VWCE: variants seen among roughly 807,000 people sequenced by gnomAD.
The protein encoded by VWCE is von Willebrand factor C and EGF domains, also known as von Willebrand factor C and EGF domain-containing protein.
In VWCE, 68 loss-of-function variants were observed where a neutral mutation model predicts 102.9. The ratio of observed to expected loss-of-function variants is 0.66; its 90% CI spans 0.54 to 0.81. The LOEUF (loss-of-function observed/expected upper bound fraction) is 0.81, where lower values mean the gene tolerates loss of function less well. Ranked by LOEUF, VWCE falls within the 30% of genes least tolerant of loss-of-function variation. The pLI is 0.00. For missense variants in VWCE, 1,137 were observed against 1,263.6 expected (o/e 0.90, Z 1.52); for synonymous variants, 497 against 515.4 (o/e 0.96, Z 0.48).
chr11:61,268,954 A>T lies in VWCE; in HGVS notation c.1850T>A (p.Ile617Asn), dbSNP rs758303416. 6 of 1,614,130 alleles carry T rather than the reference A, an allele frequency of 3.7e-6. No homozygotes were observed. Among genetic ancestry groups the T allele is most frequent in the Non-Finnish European group, 5.1e-6 (6 of 1,180,038 alleles). The change falls in exon 15 of 20, where the codon ATC (isoleucine) becomes AAC (asparagine). Residue 617 changes from isoleucine to asparagine, a missense_variant. This residue lies in a region of VWCE where 212 missense variants were observed against 235.1 expected (regional missense o/e 0.90). Coordinates refer to ENST00000335613, the MANE Select transcript of VWCE (RefSeq NM_152718.2). ...ACAGTCTGGGCAGCACTGTCCAGGG[A>T]TCCGGATCGGGTGAGGGCAGGAGTC... Reference protein sequence around the residue: ...CVDSCPHPIRIPGQCCPDCSA... With the variant: ...CVDSCPHPIRNPGQCCPDCSA...
intron 11 of VWCE, among the ~76,000 whole-genome samples, chr11:61,275,245 T>C (rs1413563179): frequency 1.3e-5 from 2 of 152,132 alleles, no homozygotes; most frequent in African/African-American, 2.4e-5. Context: ...CTGTGAGAAT[T>C]TGGGGAGAGG....
chr11:61,278,460 A>G lies in VWCE; in HGVS notation c.1341T>C (p.Gly447=), dbSNP rs1397537067. ...CPSCTGCFHS[G]VVRAEGDVFS... ...ACACATCCCCTTCAGCTCGGACGAC[A>G]CCACTGTGAAAACAGCCTTTGAAGG... is the stretch of plus-strand genomic sequence containing the variant. The change falls in exon 10 of 20, where the codon GGT becomes GGC. Residue 447 remains glycine, a synonymous_variant. Coordinates refer to ENST00000335613, the MANE Select transcript of VWCE (RefSeq NM_152718.2). 2.5e-6 allele frequency: 4 copies of G among 1,614,046 alleles called. No homozygotes were observed. The highest frequency in any genetic ancestry group is 3.4e-6 in the Non-Finnish European group (4 of 1,180,010).
rs755441885 is a variant in VWCE, at chr11:61,280,767, A to C, written c.1230+26T>G. On this transcript the variant is annotated intron_variant, in intron 8 of 19. Coordinates refer to ENST00000335613, the MANE Select transcript of VWCE (RefSeq NM_152718.2). The stretch of plus-strand genomic sequence containing the variant: ...GCCACCACAAGGCCCCAGACCAAGG[A>C]AGCTCCGGGGACCCCTAGTACCCAC... The C allele has an allele frequency of 5.0e-6, 8 of 1,612,034 alleles. No individual in the cohort carries two copies. In the South Asian group the frequency reaches 8.8e-5, roughly 18 times the overall value.
intron 14 of VWCE, among the ~76,000 whole-genome samples, chr11:61,269,949 A>T (rs1457596842): frequency 1.5e-5 from 2 of 133,458 alleles, no homozygotes; most frequent in Non-Finnish European, 3.2e-5. Flanking sequence ...ACGGAGTCTC[A>T]CTCTTTTGCC....
intron 15 of VWCE, among the ~76,000 whole-genome samples, chr11:61,267,989 C>G (rs749225351): frequency 3.3e-5 from 5 of 151,940 alleles, no homozygotes; most frequent in Non-Finnish European, 7.4e-5. Context: ...GCCCCAGAAG[C>G]CTGATGTGAG....
chr11:61,267,436 G>T, intron 16 of VWCE, 26 bp downstream of exon 16: 1 of 1,610,788 alleles, frequency 6.2e-7, no homozygotes, highest in Non-Finnish European at 8.5e-7. Flanking sequence ...TTCCAGGGGC[G>T]GGAGTCAGAT....
chr11:61,264,411 A>G (rs181935255), intron 19 of VWCE, 76 bp downstream of exon 19: 51 of 1,418,272 alleles, frequency 3.6e-5, no homozygotes, highest in Admixed American at 5.9e-5. Context: ...GCCCTTTACA[A>G]GTTCTATGTA....
At chr11:61,266,462 C>T (rs145816772) in intron 16 of VWCE, among the ~76,000 whole-genome samples, 4 of 152,036 alleles carry the variant, frequency 2.6e-5, no homozygotes, top group Non-Finnish European at 5.9e-5. Context: ...ATAGGAGGAT[C>T]GCTTGAGCCC....
At chr11:61,268,460 A>T (rs1264892302) in intron 15 of VWCE, among the ~76,000 whole-genome samples, 1 of 152,230 alleles carries the variant, frequency 6.6e-6, no homozygotes, top group African/African-American at 2.4e-5. Flanking sequence ...AGGCTGAGGC[A>T]GGAGAATCAC....
intron 11 of VWCE, 71 bp from the exon 12 acceptor site, chr11:61,274,655 T>C (rs1423211958): frequency 1.4e-6 from 2 of 1,435,176 alleles, no homozygotes; most frequent in Non-Finnish European, 1.9e-6. Context: ...GGGGAACAAA[T>C]GGGTAGGGAG....
rs1434619070 is a variant in VWCE, at chr11:61,280,839, G to A, written c.1184C>T (p.Ser395Leu). ...PCWHLGAMHE[S>L]RSRWTEPGCS... Reference sequence around the variant, plus strand: ...CCCAGGCTCTGTCCAGCGACTCCTTGATTCATGCATGGCTCCCAGGTGCCA... The same window carrying A: ...CCCAGGCTCTGTCCAGCGACTCCTTAATTCATGCATGGCTCCCAGGTGCCA... Residue 395 changes from serine (S) to leucine (L), a missense_variant, in exon 8 of 20, where the codon TCA (serine) becomes TTA (leucine). By Grantham distance (145) the Ser-to-Leu change is moderately radical (BLOSUM62 -2). Around this residue, in one of 5 missense-constraint regions of VWCE, gnomAD observed 575 missense variants for 625.9 expected, o/e 0.92. Transcript: ENST00000335613. 6.4e-7 allele frequency: 1 copy of A among 1,554,674 alleles called. No homozygotes were observed. The highest frequency in any genetic ancestry group is 8.7e-7 in the Non-Finnish European group (1 of 1,150,772).
chr11:61,271,367 G>A (rs1163508752), intron 14 of VWCE: 32 of 280,758 alleles, frequency 1.1e-4, no homozygotes, highest in Non-Finnish European at 9.3e-5. Context: ...GGATGGTCTC[G>A]ATCTCCTGAC....
intron 9 of VWCE, among the ~76,000 whole-genome samples, chr11:61,278,864 C>T (rs1240914129): frequency 6.6e-6 from 1 of 152,014 alleles, no homozygotes; most frequent in Non-Finnish European, 1.5e-5. Context: ...CATGGTGAAA[C>T]CCCGTCTCTA....
chr11:61,287,397 G>A (rs1855367952), intron 4 of VWCE, among the ~76,000 whole-genome samples: 1 of 152,198 alleles, frequency 6.6e-6, no homozygotes, highest in African/African-American at 2.4e-5. Flanking sequence ...TGGCCCTCAG[G>A]GCAACCCCAA....
chr11:61,285,793 G>A lies in VWCE; in HGVS notation c.541+521C>T, dbSNP rs146759138. Among the ~76,000 whole-genome samples the A allele has an allele frequency of 3.0e-3, 451 of 152,244 alleles. 6 individuals carry two copies. Among genetic ancestry groups the A allele is most frequent in the East Asian group, 0.017 (88 of 5,174 alleles). On this transcript the variant is annotated intron_variant, in intron 5 of 19. Coordinates refer to ENST00000335613, the MANE Select transcript of VWCE (RefSeq NM_152718.2). ...TTCTGAGATGAAGTCTCACTCTGTC[G>A]TCCAGGCTGGAGTGCAGTGGTGCAA...
intron 6 of VWCE, 110 bp from the exon 7 acceptor site, chr11:61,282,024 A>G (rs1252240622): frequency 6.7e-7 from 1 of 1,499,686 alleles, no homozygotes. Context: ...ATGTTCTTAC[A>G]GGGTCCATGC....
intron 12 of VWCE, 23 bp downstream of exon 12, chr11:61,274,473 GGCT>G: frequency 6.2e-7 from 1 of 1,609,562 alleles, no homozygotes; most frequent in Middle Eastern, 1.7e-4. Flanking sequence ...CAATTCCACA[GGCT>G]TTGGGACGCT....
In VWCE at chr11:61,288,422, A is replaced by G. The variant is rs549404265; in HGVS notation, c.425-1992T>C. ...CCACTGTGGCCCCCAAGCCCATGGGACACCCCCACTCTCCTTATCCCCTAC... is the reference window on the plus strand; with the variant it reads ...CCACTGTGGCCCCCAAGCCCATGGGGCACCCCCACTCTCCTTATCCCCTAC... On this transcript the variant is annotated intron_variant, in intron 4 of 19. Coordinates refer to ENST00000335613, the MANE Select transcript of VWCE (RefSeq NM_152718.2). 1.3e-4 allele frequency among the ~76,000 whole-genome samples: 19 copies of G among 151,928 alleles called. 1 individual carries two copies. The highest frequency in any genetic ancestry group is 4.6e-4 in the African/African-American group (19 of 41,424).
At chr11:61,272,435 A>T (rs1219633336) in intron 13 of VWCE, among the ~76,000 whole-genome samples, 1 of 151,944 alleles carries the variant, frequency 6.6e-6, no homozygotes, top group Non-Finnish European at 1.5e-5. Context: ...ACACAAAAAC[A>T]GACACATAAC....
Sources: allele counts gnomAD v4.1 joint callset (sites outside exome capture counted in the v4.1 genomes callset), GRCh38; gene constraint gnomAD v4.1.1; regional missense constraint gnomAD v4.1.1; transcripts MANE v1.5; gene names NCBI Gene and HGNC (gene_info 2026-07-23, HGNC 2026-07-21).